Variants in PRCC observed in about 807,000 individuals in gnomAD.
The protein encoded by PRCC is proline-rich protein PRCC.
In PRCC, 10 loss-of-function variants were observed where a neutral mutation model predicts 44.0. The ratio of observed to expected loss-of-function variants is 0.23; its 90% CI spans 0.14 to 0.39. The LOEUF is 0.39. PRCC is among the 10% of genes least tolerant of loss of function. The probability of loss-of-function intolerance (pLI) is 1.00; values close to 1 mark genes in which losing one functional copy is unlikely to be tolerated. For synonymous variants in PRCC, 278 were observed against 259.5 expected (o/e 1.07, Z -0.69); for missense variants, 573 against 624.7 (o/e 0.92, Z 0.88).
chr1:156,770,245 G>A (rs1358792784), intron 1 of PRCC, among the ~76,000 whole-genome samples: 2 of 152,214 alleles, frequency 1.3e-5, no homozygotes, highest in Non-Finnish European at 2.9e-5. Flanking sequence ...GCTAATTAAA[G>A]TCCTAGCCCT....
chr1:156,773,038 G>T (rs1361384191), intron 1 of PRCC, among the ~76,000 whole-genome samples: 1 of 152,134 alleles, frequency 6.6e-6, no homozygotes, highest in East Asian at 1.9e-4. Flanking sequence ...AATGAGGAGT[G>T]CAAAAATGGG....
chr1:156,772,230 G>C (rs1302749064), intron 1 of PRCC, among the ~76,000 whole-genome samples: 1 of 152,106 alleles, frequency 6.6e-6, no homozygotes, highest in African/African-American at 2.4e-5. Context: ...CCCACACCTT[G>C]GTTTTGATTT....
At chr1:156,791,652 A>G (rs780285856) in intron 3 of PRCC, 45 bp from the exon 4 acceptor site, 4 of 1,564,808 alleles carry the variant, frequency 2.6e-6, no homozygotes, top group Non-Finnish European at 2.6e-6. Flanking sequence ...CCCCTCTCCA[A>G]CTGTGCCCTC....
chr1:156,787,355 A>G (rs1055959394), intron 3 of PRCC, among the ~76,000 whole-genome samples, 181 bp downstream of exon 3: 4 of 151,988 alleles, frequency 2.6e-5, no homozygotes, highest in African/African-American at 9.7e-5. Context: ...CAAGTCTTAA[A>G]GTGTGACAGG....
rs1219745262 is a variant in PRCC at position 156,767,904 on chromosome 1, C to T, written c.133C>T (p.Pro45Ser). 1.2e-6 allele frequency: 2 copies of T among 1,602,470 alleles called. No homozygotes were observed. Among genetic ancestry groups the T allele is most frequent in the East Asian group, 2.2e-5 (1 of 44,472 alleles). The change falls in exon 1 of 7, where the codon CCC becomes TCC. Residue 45 changes from proline (P) to serine (S), a missense_variant. Pro to Ser is a moderately conservative substitution (Grantham distance 74). This residue lies in a region of PRCC where 245 missense variants were observed against 188.5 expected (regional missense o/e 1.30). Coordinates refer to ENST00000271526, the MANE Select transcript of PRCC (RefSeq NM_005973.5). Reference sequence around the variant, plus strand: ...GGGCTTGTTCGCTTCTCTCCCTGCGCCCAAGGGTCCGGCCTTGCTGCCTCC... The same window carrying T: ...GGGCTTGTTCGCTTCTCTCCCTGCGTCCAAGGGTCCGGCCTTGCTGCCTCC... The part of the protein sequence containing the change: ...LGGLFASLPA[P>S]KGPALLPPPP...
chr1:156,790,579 G>A (rs1194206532), intron 3 of PRCC, among the ~76,000 whole-genome samples: 13 of 152,166 alleles, frequency 8.5e-5, no homozygotes, highest in Admixed American at 5.2e-4. Context: ...CCAAGATGGC[G>A]CCATTGCACT....
rs142650850 is a variant in PRCC, at chr1:156,776,113, T to C, written c.469-6169T>C. 2.5e-3 allele frequency among the ~76,000 whole-genome samples: 381 copies of C among 152,282 alleles called. 1 individual carries two copies. The highest frequency in any genetic ancestry group is 8.9e-3 in the African/African-American group (368 of 41,560). ...GCTCATGCCTGCAATCCCAACACTT[T>C]GGGAGGCCAAGGCAGGTGGATTGCT... On this transcript the variant is annotated intron_variant, in intron 1 of 6. Coordinates refer to ENST00000271526, the MANE Select transcript of PRCC (RefSeq NM_005973.5).
At chr1:156,797,193 C>G in intron 5 of PRCC, 83 bp from the exon 6 acceptor site, 2 of 1,557,564 alleles carry the variant, frequency 1.3e-6, no homozygotes, top group South Asian at 2.2e-5. Context: ...GGCTTCTCAG[C>G]CCCTAACACC....
At position 156,792,053 on chromosome 1, in the gene PRCC, CTTTTTTTT is replaced by C. The variant is rs67388360; in HGVS notation, c.1179+282_1179+289del. Among the ~76,000 whole-genome samples the C allele has an allele frequency of 2.4e-3, 143 of 58,454 alleles. 1 individual carries two copies. The highest frequency in any genetic ancestry group is 0.01 in the South Asian group (10 of 960). 38.3% of individuals were successfully genotyped at this position (58,454 alleles called of 152,430 possible). On this transcript the variant is annotated intron_variant, in intron 4 of 6. Coordinates refer to ENST00000271526, the MANE Select transcript of PRCC (RefSeq NM_005973.5). ...ACAGAGTCAGGGATCTAGTCCCCTT[CTTTTTTTT>C]TTTTTTTTTTTTTTTTTTTTGGTAG...
At chr1:156,794,013 A>G (rs1362575568) in intron 4 of PRCC, among the ~76,000 whole-genome samples, 1 of 141,524 alleles carries the variant, frequency 7.1e-6, no homozygotes, top group Non-Finnish European at 1.5e-5. Context: ...GCTGGAGTGC[A>G]ATGGTGCGAT....
chr1:156,780,523 C>T (rs1377261109), intron 1 of PRCC, among the ~76,000 whole-genome samples: 2 of 151,618 alleles, frequency 1.3e-5, no homozygotes, highest in Non-Finnish European at 2.9e-5. Context: ...GACATGATCA[C>T]GGCTTGCTGC....
intron 1 of PRCC, among the ~76,000 whole-genome samples, chr1:156,776,739 A>G (rs1453702937): frequency 1.3e-5 from 2 of 152,212 alleles, no homozygotes; most frequent in Non-Finnish European, 2.9e-5. Context: ...GATTATTGCC[A>G]TTGGACCTGT....
At chr1:156,771,522 A>T (rs746907996) in intron 1 of PRCC, among the ~76,000 whole-genome samples, 17 of 152,130 alleles carry the variant, frequency 1.1e-4, no homozygotes, top group South Asian at 8.3e-4. Context: ...TAGATGTTAC[A>T]CTAAGGAGAG....
At chr1:156,768,503 A>G (rs992650656) in intron 1 of PRCC, among the ~76,000 whole-genome samples, 1 of 152,136 alleles carries the variant, frequency 6.6e-6, no homozygotes, top group African/African-American at 2.4e-5. Flanking sequence ...GCCTAGGGAC[A>G]CTTGGATCCG....
chr1:156,772,474 T>G (rs1651668964), intron 1 of PRCC, among the ~76,000 whole-genome samples: 1 of 152,226 alleles, frequency 6.6e-6, no homozygotes, highest in African/African-American at 2.4e-5. Flanking sequence ...TCTTTTTCCC[T>G]TCTTGCTGTG....
At chr1:156,768,860 G>A (rs965700110) in intron 1 of PRCC, among the ~76,000 whole-genome samples, 1 of 152,194 alleles carries the variant, frequency 6.6e-6, no homozygotes, top group South Asian at 2.1e-4. Flanking sequence ...CAGCATGCAC[G>A]ATTTTACCTG....
intron 2 of PRCC, among the ~76,000 whole-genome samples, chr1:156,785,638 A>G (rs1280137376): frequency 6.6e-6 from 1 of 151,666 alleles, no homozygotes; most frequent in African/African-American, 2.4e-5. Context: ...TGCTTTGGGG[A>G]TGGTGACAAG....
rs58413295 is a variant in PRCC at position 156,791,502 on chromosome 1, G to C, written c.1084-195G>C. 1.2e-5 allele frequency: 7 copies of C among 587,642 alleles called. No homozygotes were observed. In the East Asian group the frequency reaches 1.7e-4, roughly 14 times the overall value. The allele number at this position is 587,642 out of a possible 1,614,324, so 36.4% of individuals were successfully genotyped here. A position where few individuals can be genotyped will look rare whatever the true frequency, so the allele number is the denominator to read the frequency against. On this transcript the variant is annotated intron_variant, in intron 3 of 6. Transcript: ENST00000271526. The stretch of plus-strand genomic sequence containing the variant: ...TGTCTGGATAGTGTAGATGAGAAAA[G>C]CTGTAGGGACTGTTCTTGAGTTGTA...
chr1:156,791,627 G>A, intron 3 of PRCC, 70 bp from the exon 4 acceptor site: 1 of 1,420,714 alleles, frequency 7.0e-7, no homozygotes, highest in South Asian at 1.3e-5. Context: ...TCTGTTTCTG[G>A]ACAGACCTTA....
Sources: allele counts gnomAD v4.1 joint callset (sites outside exome capture counted in the v4.1 genomes callset), GRCh38; gene constraint gnomAD v4.1.1; regional missense constraint gnomAD v4.1.1; transcripts MANE v1.5; gene names NCBI Gene and HGNC (gene_info 2026-07-23, HGNC 2026-07-21).